RAB9B: variants seen among roughly 807,000 people sequenced by gnomAD.
RAB9B encodes ras-related protein Rab-9B.
A neutral mutation model predicts 8.9 loss-of-function variants in RAB9B; 1 was observed. The observed-to-expected ratio is 0.11, with a 90% CI of 0.04 to 0.53. RAB9B has a LOEUF of 0.53. Among genes scored for constraint, RAB9B ranks in the 20% least tolerant of loss-of-function variants. The pLI, the probability that RAB9B is intolerant of heterozygous loss-of-function variation, is 0.93. For synonymous variants in RAB9B, 63 were observed against 57.0 expected (o/e 1.10, Z -0.47); for missense variants, 82 against 152.9 (o/e 0.54, Z 2.45).
chrX:103,802,696 T>C, the RAB9B span, among the ~76,000 whole-genome samples: 1 of 112,012 alleles, frequency 8.9e-6, no homozygotes. Flanking sequence ...CCATTTAAAG[T>C]GTGCAATCCA....
chrX:103,825,913 C>T, intron 2 of RAB9B, 87 bp from the exon 3 acceptor site: 4 of 685,431 alleles, frequency 5.8e-6, no homozygotes, highest in South Asian at 3.2e-5. Context: ...AATTATAAGG[C>T]CTTCTCATTC....
At chrX:103,791,393 C>T in the RAB9B span, 1 of 112,282 alleles carries the variant, frequency 8.9e-6, no homozygotes, top group South Asian at 3.7e-4. Flanking sequence ...CCTGTGGTTT[C>T]CAAGGAGCTG....
the RAB9B span, among the ~76,000 whole-genome samples, chrX:103,799,873 G>A: frequency 9.0e-6 from 1 of 111,472 alleles, no homozygotes; most frequent in Non-Finnish European, 1.9e-5. Context: ...AATCCTTGGT[G>A]TTCAGATGGA....
intron 1 of RAB9B, among the ~76,000 whole-genome samples, chrX:103,831,712 A>G (rs2074704311): frequency 9.1e-6 from 1 of 109,314 alleles, no homozygotes; most frequent in South Asian, 4.1e-4. Flanking sequence ...GAGATGTCAC[A>G]CATAGTCCCA....
chrX:103,797,014 G>A, the RAB9B span, among the ~76,000 whole-genome samples: 21 of 107,099 alleles, frequency 2.0e-4, no homozygotes, highest in Non-Finnish European at 2.9e-4. Context: ...GCAACAGAGC[G>A]AGACCCTGTC....
intron 1 of RAB9B, among the ~76,000 whole-genome samples, chrX:103,831,029 A>T (rs1259588813): frequency 9.0e-6 from 1 of 110,644 alleles, no homozygotes; most frequent in Non-Finnish European, 1.9e-5. Flanking sequence ...ACTGGATGAG[A>T]GTGGCACTGT....
the RAB9B span, among the ~76,000 whole-genome samples, chrX:103,809,960 C>G: frequency 9.0e-6 from 1 of 111,333 alleles, no homozygotes; most frequent in South Asian, 3.9e-4. Flanking sequence ...GGCACCTACC[C>G]TATGCCTGGC....
At chrX:103,786,777 G>T in the RAB9B span, 1 of 1,175,580 alleles carries the variant, frequency 8.5e-7, no homozygotes, top group East Asian at 3.0e-5. Context: ...GGGAAAATTG[G>T]GCGCGAGTCT....
the RAB9B span, among the ~76,000 whole-genome samples, chrX:103,778,266 T>C: frequency 8.9e-6 from 1 of 112,263 alleles, no homozygotes; most frequent in Admixed American, 9.4e-5. Context: ...ATGGGCAAGA[T>C]CTATAACAAC....
the RAB9B span, chrX:103,789,122 A>G: frequency 2.2e-6 from 1 of 464,999 alleles, no homozygotes; most frequent in Non-Finnish European, 3.8e-6. Context: ...TTTCATGACT[A>G]TTCTGTGATC....
At chrX:103,809,152 T>TTC in the RAB9B span, among the ~76,000 whole-genome samples, 7,440 of 111,057 alleles carry the variant, frequency 0.067, 347 homozygotes, top group South Asian at 0.36. Flanking sequence ...AGAGCATGAT[T>TTC]TCTCTCTCTC....
chrX:103,812,320 CA>C, the RAB9B span, among the ~76,000 whole-genome samples: 2 of 111,122 alleles, frequency 1.8e-5, no homozygotes, highest in African/African-American at 6.5e-5. Context: ...CAATAGCAAC[CA>C]AAAACTGCTG....
the RAB9B span, among the ~76,000 whole-genome samples, chrX:103,783,490 G>GTGTCAA: frequency 8.9e-6 from 1 of 112,320 alleles, no homozygotes; most frequent in Non-Finnish European, 1.9e-5. Context: ...ACTCTTTGAA[G>GTGTCAA]GCCAAGAAAG....
chrX:103,803,078 C>T, the RAB9B span, among the ~76,000 whole-genome samples: 283 of 111,947 alleles, frequency 2.5e-3, 1 homozygote, highest in Middle Eastern at 0.014. Context: ...GGGTATGACA[C>T]ATTTTGTTTA....
At chrX:103,808,929 A>G in the RAB9B span, among the ~76,000 whole-genome samples, 1 of 113,432 alleles carries the variant, frequency 8.8e-6, no homozygotes, top group Admixed American at 9.2e-5. Flanking sequence ...GGACCCATGA[A>G]GAAGGGGCCC....
the RAB9B span, among the ~76,000 whole-genome samples, chrX:103,816,804 T>C: frequency 8.9e-6 from 1 of 112,264 alleles, no homozygotes; most frequent in Non-Finnish European, 1.9e-5. Context: ...AAGAAGACAT[T>C]TATTCAGCCA....
the RAB9B span, among the ~76,000 whole-genome samples, chrX:103,793,686 T>C: frequency 0.026 from 1 of 39 alleles, no homozygotes; most frequent in Non-Finnish European, 0.04. Context: ...CTTATTTGGC[T>C]CTGCCTCTGG....
chrX:103,782,920 G>T, the RAB9B span, among the ~76,000 whole-genome samples: 26 of 112,219 alleles, frequency 2.3e-4, no homozygotes, highest in Non-Finnish European at 4.7e-4. Flanking sequence ...CCTGTGCTGG[G>T]GAGAAAGGGA....
the RAB9B span, among the ~76,000 whole-genome samples, chrX:103,800,555 C>T: frequency 9.0e-6 from 1 of 111,395 alleles, no homozygotes; most frequent in African/African-American, 3.3e-5. Flanking sequence ...TTCAGAAAAC[C>T]GTAAAACACT....
Sources: allele counts gnomAD v4.1 joint callset (sites outside exome capture counted in the v4.1 genomes callset), GRCh38; gene constraint gnomAD v4.1.1; transcripts MANE v1.5; gene names NCBI Gene and HGNC (gene_info 2026-07-23, HGNC 2026-07-21).